BCAS1: variants seen among roughly 807,000 people sequenced by gnomAD.
The protein encoded by BCAS1 is breast carcinoma-amplified sequence 1.
A neutral mutation model predicts 65.4 loss-of-function variants in BCAS1; 46 were observed. The observed-to-expected ratio is 0.70, with a 90% CI of 0.55 to 0.90. The LOEUF is 0.90. Among genes scored for constraint, BCAS1 ranks in the 40% least tolerant of loss-of-function variants. The pLI is 0.00. For synonymous variants in BCAS1, 298 were observed against 293.5 expected (o/e 1.02, Z -0.16); for missense variants, 793 against 771.2 (o/e 1.03, Z -0.33).
At chr20:53,954,094 T>C (rs1600696558) in intron 11 of BCAS1, among the ~76,000 whole-genome samples, 1 of 152,174 alleles carries the variant, frequency 6.6e-6, no homozygotes, top group Non-Finnish European at 1.5e-5. Flanking sequence ...TGGCCAGCTG[T>C]GATTGGCTCA....
At chr20:53,947,286 T>C (rs1248383951) in intron 12 of BCAS1, among the ~76,000 whole-genome samples, 1 of 152,216 alleles carries the variant, frequency 6.6e-6, no homozygotes, top group Admixed American at 6.5e-5. Flanking sequence ...GTAAGTGTGA[T>C]AAAAGAGTTA....
intron 4 of BCAS1, among the ~76,000 whole-genome samples, chr20:54,021,823 G>T (rs1051760001): frequency 6.6e-6 from 1 of 152,070 alleles, no homozygotes; most frequent in African/African-American, 2.4e-5. Flanking sequence ...AAACCACCAT[G>T]GCACACATTT....
chr20:53,969,769 C>T (rs1206003656), intron 9 of BCAS1, among the ~76,000 whole-genome samples: 4 of 152,118 alleles, frequency 2.6e-5, no homozygotes, highest in African/African-American at 7.2e-5. Flanking sequence ...TTCCAGATAT[C>T]ACATCCTCAA....
intron 4 of BCAS1, among the ~76,000 whole-genome samples, chr20:54,027,678 T>C (rs1445705727): frequency 2.6e-5 from 4 of 152,088 alleles, no homozygotes; most frequent in Non-Finnish European, 5.9e-5. Context: ...ACAGGCTCTC[T>C]CAAGGTTAAA....
At chr20:53,946,468 T>A (rs1355200881) in intron 12 of BCAS1, among the ~76,000 whole-genome samples, 5 of 149,568 alleles carry the variant, frequency 3.3e-5, no homozygotes, top group African/African-American at 1.3e-4. Context: ...TAAGACAGTA[T>A]AGGGTAGTAC....
In BCAS1 at chr20:54,037,410, G is replaced by A. The variant is rs758213426; in HGVS notation, c.143-8438C>T. Reference sequence around the variant, plus strand: ...CTCCACCTGGTCTCTCCCTTGACACGTGGGGATTATGGGGATTAAATTCCA... The same window carrying A: ...CTCCACCTGGTCTCTCCCTTGACACATGGGGATTATGGGGATTAAATTCCA... On this transcript the variant is annotated intron_variant, in intron 3 of 12. Coordinates refer to ENST00000688948, the MANE Select transcript of BCAS1 (RefSeq NM_001366298.2). 3.3e-5 allele frequency among the ~76,000 whole-genome samples: 5 copies of A among 151,392 alleles called. 1 individual carries two copies. Among genetic ancestry groups the A allele is most frequent in the African/African-American group, 2.4e-5 (1 of 41,348 alleles).
In BCAS1 at chr20:53,985,494, A is replaced by C; in HGVS notation, c.1068T>G (p.Ala356=). ...CAGCTGAAGTGGTGGGTGACTTTTC[A>C]GCACCCTAAAGAGTTAAAAAAAATG... ...AFRKFFRHKG[A]EKSPTTSADL... The change falls in exon 8 of 13, where the codon GCT becomes GCG. Residue 356 remains alanine (A), a synonymous_variant. Transcript: ENST00000688948. 6.2e-7 allele frequency: 1 copy of C among 1,613,752 alleles called. No individual in the cohort carries two copies. The highest frequency in any genetic ancestry group is 1.1e-5 in the South Asian group (1 of 91,020).
At chr20:53,963,047 T>C (rs2089928167) in intron 10 of BCAS1, among the ~76,000 whole-genome samples, 1 of 151,622 alleles carries the variant, frequency 6.6e-6, no homozygotes, top group South Asian at 2.1e-4. Flanking sequence ...AGACAGGGTT[T>C]CACCGTGTTA....
chr20:53,996,025 T>G lies in BCAS1; in HGVS notation c.749A>C (p.Glu250Ala). Residue 250 changes from glutamate (E) to alanine (A), a missense_variant, in exon 5 of 13, where the codon GAA becomes GCA. Physicochemically the swap from Glu to Ala is moderately radical, Grantham distance 107. Transcript: ENST00000688948. ...GKDIVDGKEK[E>A]GQELGTADCS... ...ATCCGCAGTTCCAAGTTCTTGTCCT[T>G]CTTTTTCCTTGCCGTCAACTATGTC... 6.2e-7 allele frequency: 1 copy of G among 1,604,894 alleles called. No individual in the cohort carries two copies. Among genetic ancestry groups the G allele is most frequent in the Non-Finnish European group, 8.5e-7 (1 of 1,175,608 alleles).
Position 54,013,578 on chromosome 20 carries a change from T to A in BCAS1, c.723+14814A>T, listed in dbSNP as rs372678257. 3.5e-4 allele frequency among the ~76,000 whole-genome samples: 54 copies of A among 152,334 alleles called. No individual in the cohort carries two copies. In the Middle Eastern group the frequency reaches 0.01, roughly 29 times the overall value. On this transcript the variant is annotated intron_variant, in intron 4 of 12. Transcript: ENST00000688948. Reference sequence around the variant, plus strand: ...TATATTCTTTTACCCTGTATTTCCATCTCTAAGAGTTGATGTAGAGGATAA... The same window carrying A: ...TATATTCTTTTACCCTGTATTTCCAACTCTAAGAGTTGATGTAGAGGATAA...
intron 3 of BCAS1, among the ~76,000 whole-genome samples, chr20:54,033,262 AC>A (rs1463348512): frequency 6.6e-6 from 1 of 150,998 alleles, no homozygotes; most frequent in Admixed American, 6.6e-5. Context: ...GAGCAGAAAA[AC>A]CTGAAAGCTA....
intron 9 of BCAS1, among the ~76,000 whole-genome samples, chr20:53,971,248 C>G (rs2090171891): frequency 1.3e-5 from 2 of 152,186 alleles, no homozygotes; most frequent in Non-Finnish European, 2.9e-5. Context: ...GCTTTAGGAT[C>G]CGTTGCATGA....
intron 10 of BCAS1, 122 bp from the exon 11 acceptor site, chr20:53,957,619 A>AT (rs2089742624): frequency 3.6e-6 from 3 of 832,338 alleles, no homozygotes; most frequent in Non-Finnish European, 6.1e-6. Context: ...AGACAAATGG[A>AT]AGGCCAACTG....
chr20:53,983,213 A>T (rs1418709471), intron 8 of BCAS1, among the ~76,000 whole-genome samples: 5 of 151,326 alleles, frequency 3.3e-5, no homozygotes, highest in Non-Finnish European at 1.5e-5. Context: ...CTCAAACTGG[A>T]CAGTATAGAA....
chr20:53,980,964 C>G (rs2090461579), intron 8 of BCAS1, among the ~76,000 whole-genome samples: 1 of 152,190 alleles, frequency 6.6e-6, no homozygotes, highest in Non-Finnish European at 1.5e-5. Context: ...AATAAAAAAT[C>G]TAGTTTAAAA....
rs1600668389 is a variant in BCAS1, at chr20:53,944,672, T to C, written c.*250A>G. On this transcript the variant is annotated 3_prime_UTR_variant, in exon 13 of 13. Transcript: ENST00000688948. ...TCTATTCCCTCCCTTTCCTGCTTGG[T>C]GATCATCGACTCTTCTGACCCAACT... is the stretch of plus-strand genomic sequence containing the variant. 6.4e-6 allele frequency: 3 copies of C among 468,474 alleles called. No individual in the cohort carries two copies. The East Asian group carries it at 1.1e-4, about 18-fold the overall frequency. 29.0% of individuals were successfully genotyped at this position (468,474 alleles called of 1,614,324 possible). A position where few individuals can be genotyped will look rare whatever the true frequency, so the allele number is the denominator to read the frequency against.
intron 3 of BCAS1, among the ~76,000 whole-genome samples, chr20:54,039,355 A>C (rs1308861368): frequency 1.3e-5 from 2 of 151,464 alleles, no homozygotes; most frequent in Non-Finnish European, 3.0e-5. Context: ...ATTTTGGAAC[A>C]TCATGGTAGA....
chr20:53,953,778 G>T, intron 11 of BCAS1, 83 bp from the exon 12 acceptor site: 1 of 1,461,394 alleles, frequency 6.8e-7, no homozygotes, highest in Non-Finnish European at 9.2e-7. Context: ...TTAAAACAGA[G>T]ATGTTCAAAT....
chr20:54,015,659 T>C (rs930332498), intron 4 of BCAS1, among the ~76,000 whole-genome samples: 1 of 152,210 alleles, frequency 6.6e-6, no homozygotes, highest in African/African-American at 2.4e-5. Context: ...TAAGTATATT[T>C]AAAAAGTTGT....
Sources: allele counts gnomAD v4.1 joint callset (sites outside exome capture counted in the v4.1 genomes callset), GRCh38; gene constraint gnomAD v4.1.1; transcripts MANE v1.5; gene names NCBI Gene and HGNC (gene_info 2026-07-23, HGNC 2026-07-21).